Variants in MAF observed in about 807,000 individuals in gnomAD.
The protein encoded by MAF is MAF bZIP transcription factor.
Under a neutral mutation model 22.0 loss-of-function variants are expected in MAF, and 10 were observed. The ratio of observed to expected loss-of-function variants is 0.45; its 90% CI spans 0.28 to 0.77. The LOEUF (loss-of-function observed/expected upper bound fraction) is 0.77, where lower values mean the gene tolerates loss of function less well. Among genes scored for constraint, MAF ranks in the 30% least tolerant of loss-of-function variants. The probability of loss-of-function intolerance (pLI) is 0.12; values close to 1 mark genes in which losing one functional copy is unlikely to be tolerated. For missense variants in MAF, 544 were observed against 548.4 expected (o/e 0.99, Z 0.08); for synonymous variants, 337 against 255.8 (o/e 1.32, Z -3.03).
chr16:79,211,157 A>C, the MAF span, among the ~76,000 whole-genome samples: 1 of 151,948 alleles, frequency 6.6e-6, no homozygotes, highest in South Asian at 2.1e-4. Flanking sequence ...TGGGTTTTCT[A>C]CCTGATGGAC....
the MAF span, among the ~76,000 whole-genome samples, chr16:79,562,722 A>G: frequency 1.3e-5 from 2 of 152,128 alleles, no homozygotes; most frequent in Admixed American, 6.5e-5. Flanking sequence ...CCCACTCACC[A>G]CAAAGCTGTT....
At chr16:79,414,339 A>G in the MAF span, among the ~76,000 whole-genome samples, 1 of 152,200 alleles carries the variant, frequency 6.6e-6, no homozygotes, top group African/African-American at 2.4e-5. Context: ...GATTTTGCTC[A>G]TGGTAGCAGG....
chr16:79,563,029 G>A, the MAF span, among the ~76,000 whole-genome samples: 1 of 152,198 alleles, frequency 6.6e-6, no homozygotes, highest in African/African-American at 2.4e-5. Context: ...CATCCGTTCA[G>A]CAAATATCAA....
chr16:79,302,428 G>A, the MAF span, among the ~76,000 whole-genome samples: 1 of 152,196 alleles, frequency 6.6e-6, no homozygotes, highest in Admixed American at 6.5e-5. Flanking sequence ...GCCACTGCAC[G>A]TTAATACCTT....
At chr16:79,585,464 G>A (rs572624933), downstream of MAF, among the ~76,000 whole-genome samples, 1 of 152,048 alleles carries the variant, frequency 6.6e-6, no homozygotes, top group Non-Finnish European at 1.5e-5. Context: ...AACCGGCCAA[G>A]GGCGATGGAT....
chr16:79,396,779 G>C, the MAF span, among the ~76,000 whole-genome samples: 13 of 152,196 alleles, frequency 8.5e-5, no homozygotes, highest in Non-Finnish European at 1.9e-4. Context: ...ATTAGTTCTG[G>C]GGTGCAACCC....
the MAF span, among the ~76,000 whole-genome samples, chr16:79,310,763 AG>A: frequency 6.6e-6 from 1 of 152,182 alleles, no homozygotes; most frequent in African/African-American, 2.4e-5. Context: ...GGGAAATTGT[AG>A]CTTCTCAGCT....
chr16:79,237,103 A>G, the MAF span, among the ~76,000 whole-genome samples: 28 of 152,190 alleles, frequency 1.8e-4, no homozygotes, highest in South Asian at 5.8e-3. Flanking sequence ...TTTCAATTAA[A>G]ATGTTTTCAA....
the MAF span, among the ~76,000 whole-genome samples, chr16:79,560,025 C>T: frequency 0.047 from 7,227 of 152,228 alleles, 216 homozygotes; most frequent in Non-Finnish European, 0.071. Flanking sequence ...CTGCTTTAGC[C>T]TTCTGAGTAG....
At chr16:79,350,520 C>T in the MAF span, among the ~76,000 whole-genome samples, 1 of 152,168 alleles carries the variant, frequency 6.6e-6, no homozygotes, top group Non-Finnish European at 1.5e-5. Flanking sequence ...GCCCCCTTTG[C>T]AGTTAAACGT....
chr16:79,384,880 G>A, the MAF span, among the ~76,000 whole-genome samples: 12 of 152,220 alleles, frequency 7.9e-5, no homozygotes, highest in Non-Finnish European at 1.5e-4. Context: ...AATGACAGTA[G>A]CTTGTGCAAA....
the MAF span, among the ~76,000 whole-genome samples, chr16:79,300,686 C>A: frequency 1.2e-4 from 17 of 146,760 alleles, no homozygotes; most frequent in East Asian, 3.5e-3. Flanking sequence ...CAAAAACAAC[C>A]CATTTCTTTT....
chr16:79,247,172 T>C, the MAF span, among the ~76,000 whole-genome samples: 7 of 152,132 alleles, frequency 4.6e-5, no homozygotes, highest in African/African-American at 1.7e-4. Flanking sequence ...TAAAGTCAAG[T>C]CCTGCCTGGT....
At chr16:79,243,678 A>T in the MAF span, among the ~76,000 whole-genome samples, 1 of 152,038 alleles carries the variant, frequency 6.6e-6, no homozygotes, top group Non-Finnish European at 1.5e-5. Context: ...ACTATTTCAA[A>T]CAACAGAAAA....
the MAF span, among the ~76,000 whole-genome samples, chr16:79,425,361 G>GT: frequency 1.3e-5 from 2 of 151,850 alleles, no homozygotes; most frequent in Non-Finnish European, 2.9e-5. Flanking sequence ...GCCTCTATGG[G>GT]TAAAAAAAAG....
At chr16:79,405,985 T>C in the MAF span, among the ~76,000 whole-genome samples, 1 of 152,224 alleles carries the variant, frequency 6.6e-6, no homozygotes, top group Non-Finnish European at 1.5e-5. Context: ...ACTCTGTTCA[T>C]GGGTGTAGCA....
the MAF span, among the ~76,000 whole-genome samples, chr16:79,420,015 T>TC: frequency 5.9e-5 from 9 of 151,918 alleles, no homozygotes; most frequent in Non-Finnish European, 8.8e-5. Context: ...TTTTTTTTTT[T>TC]CTTTCTTTAA....
chr16:79,476,125 G>A, the MAF span, among the ~76,000 whole-genome samples: 1 of 152,220 alleles, frequency 6.6e-6, no homozygotes, highest in Non-Finnish European at 1.5e-5. Flanking sequence ...TCTCTTGCTG[G>A]CCTCAAAGAA....
the MAF span, among the ~76,000 whole-genome samples, chr16:79,340,927 G>C: frequency 2.6e-5 from 4 of 152,146 alleles, no homozygotes; most frequent in Non-Finnish European, 5.9e-5. Flanking sequence ...ATAGAAACAG[G>C]ATAGCAAGAC....
Sources: allele counts gnomAD v4.1 joint callset (sites outside exome capture counted in the v4.1 genomes callset), GRCh38; gene constraint gnomAD v4.1.1; transcripts MANE v1.5; gene names NCBI Gene and HGNC (gene_info 2026-07-23, HGNC 2026-07-21).